POMGNT1: variants seen among roughly 807,000 people sequenced by gnomAD.
The protein encoded by POMGNT1 is protein O-linked-mannose beta-1,2-N-acetylglucosaminyltransferase 1.
In POMGNT1, 67 loss-of-function variants were observed where a neutral mutation model predicts 95.6. That is an observed-to-expected ratio of 0.70 (90% CI 0.58 to 0.86). POMGNT1 has a LOEUF of 0.86. Ranked by LOEUF, POMGNT1 falls within the 40% of genes least tolerant of loss-of-function variation. The pLI is 0.00. For synonymous variants in POMGNT1, 298 were observed against 317.9 expected, an observed-to-expected ratio of 0.94 and a Z score of 0.66; for missense variants, 719 against 855.2, an observed-to-expected ratio of 0.84 and a Z score of 1.99.
Position 46,193,859 on chromosome 1 carries a change from A to G in POMGNT1, c.946T>C (p.Tyr316His). ...VIAGNRPNYL[Y>H]RMLRSLLSAQ... ...ATAGCCCATTCCCAGGCTTACCTGT[A>G]CAGGTAATTGGGTCGGTTCCCTGCA... Residue 316 changes from tyrosine (Y) to histidine (H), a missense_variant, in exon 10 of 22, where the codon TAC (tyrosine) becomes CAC (histidine). Physicochemically the swap from Tyr to His is moderately conservative, Grantham distance 83. Around this residue, in one of 5 missense-constraint regions of POMGNT1, gnomAD observed 466 missense variants for 517.4 expected, o/e 0.90. Coordinates refer to ENST00000371984, the MANE Select transcript of POMGNT1 (RefSeq NM_017739.4). 1 of 1,614,116 alleles carries G rather than the reference A, an allele frequency of 6.2e-7. No individual in the cohort carries two copies. The highest frequency in any genetic ancestry group is 2.2e-5 in the East Asian group (1 of 44,890).
At chr1:46,209,486 C>G (rs1557683939) in intron 1 of POMGNT1, among the ~76,000 whole-genome samples, 1 of 151,788 alleles carries the variant, frequency 6.6e-6, no homozygotes, top group African/African-American at 2.4e-5. Context: ...CAGGTGCCAC[C>G]TAATTCTTTA....
At chr1:46,193,727 G>A in intron 10 of POMGNT1, 88 bp from the exon 11 acceptor site, 1 of 1,603,336 alleles carries the variant, frequency 6.2e-7, no homozygotes, top group Non-Finnish European at 8.5e-7. Flanking sequence ...GAGTCCCTAT[G>A]CTTACCCACA....
upstream of POMGNT1, among the ~76,000 whole-genome samples, chr1:46,199,014 T>C (rs1231790095): frequency 6.6e-6 from 1 of 152,134 alleles, no homozygotes; most frequent in African/African-American, 2.4e-5. Context: ...CCATCTCGGC[T>C]CGCTGCAACC....
rs1424631447 is a variant in POMGNT1, at chr1:46,195,834, G to A, written c.511C>T (p.Arg171Ter). The change falls in exon 6 of 22, where the codon CGA becomes TGA. Residue 171 changes from arginine to a stop codon, truncating the protein, a stop_gained. Coordinates refer to ENST00000371984, the MANE Select transcript of POMGNT1 (RefSeq NM_017739.4). LOFTEE classifies it high-confidence loss of function. ...ACCTTGACAGTGCAGATGAGCACTC[G>A]GCCGGGCGCTACCATGTTGAGGAAT... ...VLFLNMVAPG[R>*]VLICTVKDEG... 3 of 1,603,116 alleles carry A rather than the reference G, an allele frequency of 1.9e-6. No homozygotes were observed. The highest frequency in any genetic ancestry group is 1.1e-5 in the South Asian group (1 of 89,640).
chr1:46,213,105 A>G (rs947789777), intron 1 of POMGNT1, among the ~76,000 whole-genome samples: 3 of 152,098 alleles, frequency 2.0e-5, no homozygotes, highest in Non-Finnish European at 2.9e-5. Context: ...ATGTGTGTAT[A>G]TATGCACATA....
At chr1:46,211,377 A>C (rs1658888957) in intron 1 of POMGNT1, among the ~76,000 whole-genome samples, 1 of 151,632 alleles carries the variant, frequency 6.6e-6, no homozygotes, top group African/African-American at 2.4e-5. Context: ...GTGCCCCAGC[A>C]TTATAACAAA....
rs10047087 is a variant in POMGNT1 at position 46,217,680 on chromosome 1, T to C, written c.-51+2025A>G. On this transcript the variant is annotated intron_variant, in intron 1 of 22. Coordinates refer to the POMGNT1 transcript ENST00000371992. ...GAGACCAGCCTGGCTAACCTGGTGATGCCCTGTCTCTACTAAAAATACAAA... is the reference window on the plus strand; with the variant it reads ...GAGACCAGCCTGGCTAACCTGGTGACGCCCTGTCTCTACTAAAAATACAAA... 8.2e-3 allele frequency among the ~76,000 whole-genome samples: 1,248 copies of C among 152,052 alleles called. 17 individuals carry two copies. The highest frequency in any genetic ancestry group is 0.034 in the Middle Eastern group (10 of 294).
chr1:46,189,589 C>G, intron 20 of POMGNT1, 22 bp from the exon 21 acceptor site: 2 of 1,600,672 alleles, frequency 1.2e-6, no homozygotes, highest in African/African-American at 1.3e-5. Context: ...GGGATGGAGA[C>G]AGAGACATGG....
intron 6 of POMGNT1, among the ~76,000 whole-genome samples, chr1:46,195,305 C>A (rs998372430): frequency 6.6e-6 from 1 of 152,178 alleles, no homozygotes; most frequent in Non-Finnish European, 1.5e-5. Context: ...TACCTTCCCA[C>A]TATAGGGGCT....
chr1:46,194,806 CTT>C (rs1658091794), intron 7 of POMGNT1, 36 bp downstream of exon 7: 1 of 1,613,784 alleles, frequency 6.2e-7, no homozygotes, highest in Non-Finnish European at 8.5e-7. Flanking sequence ...CTCCCAGGCT[CTT>C]GATACTACAG....
At position 46,197,040 on chromosome 1, in the gene POMGNT1, G is replaced by T. The variant is rs773120709; in HGVS notation, c.165C>A (p.Ile55=). ...CTCGCCGAGTGTCCAGGATCAACTTGATATTGACAATGACAGTCACCAGCA... is the reference window on the plus strand; with the variant it reads ...CTCGCCGAGTGTCCAGGATCAACTTTATATTGACAATGACAGTCACCAGCA... The part of the protein sequence containing the change: ...LFLLVTVIVN[I]KLILDTRRAI... Residue 55 remains isoleucine (I), a synonymous_variant, in exon 3 of 22, where the codon ATC becomes ATA. Coordinates refer to ENST00000371984, the MANE Select transcript of POMGNT1 (RefSeq NM_017739.4). The T allele has an allele frequency of 6.2e-7, 1 of 1,614,014 alleles. No homozygotes were observed. Among genetic ancestry groups the T allele is most frequent in the Non-Finnish European group, 8.5e-7 (1 of 1,180,016 alleles).
At position 46,194,970 on chromosome 1, in the gene POMGNT1, C is replaced by T; in HGVS notation, c.535-9G>A. On this transcript the variant is annotated splice_polypyrimidine_tract_variant and intron_variant, in intron 6 of 21. Transcript: ENST00000371984. ...TGGAAGGAGCCCTCATCCTGGGGGA[C>T]CAGAGAAGGCAGTTAGCCTGACTGG... 2 of 1,613,522 alleles carry T rather than the reference C, an allele frequency of 1.2e-6. No homozygotes were observed. Among genetic ancestry groups the T allele is most frequent in the Admixed American group, 3.3e-5 (2 of 60,022 alleles).
intron 14 of POMGNT1, 26 bp from the exon 15 acceptor site, chr1:46,192,616 C>T (rs1431329750): frequency 1.9e-6 from 3 of 1,612,670 alleles, no homozygotes; most frequent in Non-Finnish European, 2.5e-6. Context: ...TCAAAGAGTT[C>T]AGGGAGGGAC....
In POMGNT1 at chr1:46,196,966, C is replaced by T. The variant is rs1296833348; in HGVS notation, c.235+4G>A. 3.7e-6 allele frequency: 6 copies of T among 1,614,226 alleles called. No individual in the cohort carries two copies. In the South Asian group the frequency reaches 6.6e-5, roughly 18 times the overall value. On this transcript the variant is annotated splice_donor_region_variant and intron_variant, in intron 3 of 21. Coordinates refer to ENST00000371984, the MANE Select transcript of POMGNT1 (RefSeq NM_017739.4). This position sits in a 1 kb window ranked among gnomAD's most constrained non-coding sequence, Gnocchi z 4.4. ...CCCCTACCCCATCCTTAGCCTAGCC[C>T]TACCATAGTCTTGCTCTGGCTCTGG...
rs752321232 is a variant in POMGNT1 at position 46,205,258 on chromosome 1, C to G, written c.-50-7387G>C. On this transcript the variant is annotated intron_variant, in intron 1 of 22. Coordinates refer to the POMGNT1 transcript ENST00000371992. Reference sequence around the variant, plus strand: ...GGGTGACAGAGCTCAGAGCTAGACCCTGTCTCAAAAAAAGAAGGGGAAGAA... The same window carrying G: ...GGGTGACAGAGCTCAGAGCTAGACCGTGTCTCAAAAAAAGAAGGGGAAGAA... 2.6e-4 allele frequency among the ~76,000 whole-genome samples: 40 copies of G among 151,564 alleles called. 1 individual carries two copies. In the Middle Eastern group the frequency reaches 0.034, roughly 131 times the overall value.
upstream of POMGNT1, among the ~76,000 whole-genome samples, chr1:46,199,861 A>G (rs1396154949): frequency 2.6e-5 from 4 of 152,168 alleles, no homozygotes; most frequent in East Asian, 7.7e-4. Flanking sequence ...AGAAAACCCA[A>G]CACATTTTAT....
intron 19 of POMGNT1, chr1:46,190,212 T>C (rs1571648909): frequency 1.6e-6 from 1 of 641,634 alleles, no homozygotes; most frequent in East Asian, 2.9e-5. Flanking sequence ...GCCCGGCTAA[T>C]TTTTTGTATT....
At chr1:46,192,614 T>C (rs377723749) in intron 14 of POMGNT1, 24 bp from the exon 15 acceptor site, 3 of 1,612,572 alleles carry the variant, frequency 1.9e-6, no homozygotes, top group Non-Finnish European at 1.7e-6. Flanking sequence ...GGTCAAAGAG[T>C]TCAGGGAGGG....
chr1:46,197,111 G>A (rs778458354), intron 2 of POMGNT1, 27 bp from the exon 3 acceptor site: 7 of 1,613,872 alleles, frequency 4.3e-6, no homozygotes, highest in Non-Finnish European at 5.9e-6. Context: ...GGATGATTAA[G>A]AGGAGCACCT....
Sources: allele counts gnomAD v4.1 joint callset (sites outside exome capture counted in the v4.1 genomes callset), GRCh38; gene constraint gnomAD v4.1.1; regional missense constraint gnomAD v4.1.1; non-coding constraint Gnocchi (gnomAD v3.1); transcripts MANE v1.5; gene names NCBI Gene and HGNC (gene_info 2026-07-23, HGNC 2026-07-21).